Variants in DDAH1 observed in about 807,000 individuals in gnomAD.
DDAH1 encodes dimethylarginine dimethylaminohydrolase 1.
DDAH1 carries 19 observed loss-of-function variants against 28.8 expected under a neutral mutation model. The observed-to-expected ratio is 0.66, with a 90% CI of 0.46 to 0.97. The LOEUF is 0.97. Ranked by LOEUF, DDAH1 falls within the 50% of genes least tolerant of loss-of-function variation. DDAH1 has a pLI of 0.00. For synonymous variants in DDAH1, 153 were observed against 154.4 expected, an observed-to-expected ratio of 0.99 and a Z score of 0.07; for missense variants, 326 against 375.9, an observed-to-expected ratio of 0.87 and a Z score of 1.10.
intron 1 of DDAH1, chr1:85,404,519 A>AAAT: frequency 1.4e-6 from 2 of 1,418,896 alleles, no homozygotes; most frequent in South Asian, 3.2e-5. Context: ...GCCATGGAGC[A>AAAT]AATAATAACA....
At chr1:85,541,157 C>T (rs192074133) in intron 1 of DDAH1, among the ~76,000 whole-genome samples, 26 of 152,234 alleles carry the variant, frequency 1.7e-4, no homozygotes, top group East Asian at 7.7e-4. Context: ...TTTCAAGAGA[C>T]GTTCATTCTC....
chr1:85,379,832 CTT>C (rs1650882784), intron 1 of DDAH1: 1 of 419,688 alleles, frequency 2.4e-6, no homozygotes, highest in Non-Finnish European at 3.2e-6. Flanking sequence ...GTTCCTCACT[CTT>C]TTCCACGTTT....
chr1:85,375,803 A>G (rs1347064791), intron 1 of DDAH1, among the ~76,000 whole-genome samples: 2 of 152,146 alleles, frequency 1.3e-5, no homozygotes, highest in Non-Finnish European at 2.9e-5. Flanking sequence ...ACTCAAACTC[A>G]TTTTTGGGTC....
chr1:85,491,249 AAGTT>A (rs2100728503), intron 2 of DDAH1, among the ~76,000 whole-genome samples: 1 of 151,916 alleles, frequency 6.6e-6, no homozygotes, highest in East Asian at 1.9e-4. Flanking sequence ...AGGTTTCACT[AAGTT>A]AGCCAGGCTG....
intron 1 of DDAH1, among the ~76,000 whole-genome samples, chr1:85,371,188 G>T (rs1248616343): frequency 6.6e-6 from 1 of 152,168 alleles, no homozygotes; most frequent in African/African-American, 2.4e-5. Context: ...TTGCACCAAT[G>T]CCATCTAGAT....
At chr1:85,528,889 G>A (rs1235249919) in intron 1 of DDAH1, among the ~76,000 whole-genome samples, 8 of 150,876 alleles carry the variant, frequency 5.3e-5, no homozygotes, top group Admixed American at 1.3e-4. Flanking sequence ...CAGGAGAATC[G>A]CTTGAACCCC....
chr1:85,375,666 C>A (rs1349738692), intron 1 of DDAH1, among the ~76,000 whole-genome samples: 5 of 152,094 alleles, frequency 3.3e-5, no homozygotes, highest in Non-Finnish European at 7.4e-5. Flanking sequence ...TCATTCTATG[C>A]AGTATTACTC....
chr1:85,503,485 A>G (rs991158756), intron 1 of DDAH1, among the ~76,000 whole-genome samples: 1 of 152,206 alleles, frequency 6.6e-6, no homozygotes, highest in Non-Finnish European at 1.5e-5. Context: ...TACAGGCATA[A>G]GCCACTGCAC....
chr1:85,379,656 T>A, intron 1 of DDAH1: 4 of 985,410 alleles, frequency 4.1e-6, no homozygotes, highest in Non-Finnish European at 4.8e-6. Flanking sequence ...TTCACTGTTC[T>A]CTTCTTTTCC....
chr1:85,571,099 T>A (rs750793376), intron 1 of DDAH1, among the ~76,000 whole-genome samples: 1 of 152,182 alleles, frequency 6.6e-6, no homozygotes, highest in Non-Finnish European at 1.5e-5. Context: ...AAAAAGCTCA[T>A]CTCAGAGGGC....
upstream of DDAH1, among the ~76,000 whole-genome samples, chr1:85,467,889 TCCAGAATTG>T (rs1655441810): frequency 6.6e-6 from 1 of 152,122 alleles, no homozygotes. Context: ...GAACAAGACA[TCCAGAATTG>T]GAGCTGGGGT....
chr1:85,561,903 A>G (rs1257141911), intron 1 of DDAH1, among the ~76,000 whole-genome samples: 1 of 152,200 alleles, frequency 6.6e-6, no homozygotes, highest in Non-Finnish European at 1.5e-5. Flanking sequence ...ACTTTATTGG[A>G]TGTTGGATTA....
chr1:85,548,219 CA>C lies in DDAH1; in HGVS notation c.-123+29764del, dbSNP rs377738992. 1.9e-3 allele frequency among the ~76,000 whole-genome samples: 290 copies of C among 152,268 alleles called. 1 individual carries two copies. In the Middle Eastern group the frequency reaches 0.02, roughly 11 times the overall value. On this transcript the variant is annotated intron_variant, in intron 1 of 6. Coordinates refer to the DDAH1 transcript ENST00000426972. ...GTATATTTTAATCAAGCAATAAAAA[CA>C]GTGGCTAACATTATTGAACATTTAC...
chr1:85,413,867 T>C (rs1031460135), intron 1 of DDAH1, among the ~76,000 whole-genome samples: 1 of 152,250 alleles, frequency 6.6e-6, no homozygotes, highest in African/African-American at 2.4e-5. Flanking sequence ...CTTAAGTCTT[T>C]GGGTAGCTAC....
chr1:85,392,083 A>C (rs999552839), intron 1 of DDAH1, among the ~76,000 whole-genome samples: 3 of 152,152 alleles, frequency 2.0e-5, no homozygotes. Context: ...GAGATTCTAC[A>C]TTAAACTCCA....
chr1:85,517,943 G>C (rs1022976520), intron 1 of DDAH1, among the ~76,000 whole-genome samples: 1 of 152,094 alleles, frequency 6.6e-6, no homozygotes, highest in African/African-American at 2.4e-5. Context: ...TGGGTTCCAG[G>C]GCCCTGTTGG....
chr1:85,390,316 G>A (rs546663274), intron 1 of DDAH1, among the ~76,000 whole-genome samples: 2 of 152,330 alleles, frequency 1.3e-5, no homozygotes, highest in South Asian at 4.1e-4. Context: ...AGCCTGATCT[G>A]CAATTAGAGT....
At chr1:85,543,420 A>G (rs1353270097) in intron 1 of DDAH1, among the ~76,000 whole-genome samples, 3 of 152,184 alleles carry the variant, frequency 2.0e-5, no homozygotes, top group Non-Finnish European at 4.4e-5. Flanking sequence ...AACACAGGAA[A>G]CAAGCAACTG....
At position 85,420,986 on chromosome 1, in the gene DDAH1, G is replaced by A. The variant is rs149111249; in HGVS notation, c.303+43757C>T. 3.2e-3 allele frequency among the ~76,000 whole-genome samples: 493 copies of A among 152,280 alleles called. 2 individuals are homozygous for A. Among genetic ancestry groups the A allele is most frequent in the Non-Finnish European group, 4.4e-3 (300 of 68,018 alleles). On this transcript the variant is annotated intron_variant, in intron 1 of 5. Transcript: ENST00000284031. Reference sequence around the variant, plus strand: ...GCCTTGGGAAGCTTCCAATCATGGCGGAAGGTGAAGCGGGAACTGGTGCTT... The same window carrying A: ...GCCTTGGGAAGCTTCCAATCATGGCAGAAGGTGAAGCGGGAACTGGTGCTT...
Sources: allele counts gnomAD v4.1 joint callset (sites outside exome capture counted in the v4.1 genomes callset), GRCh38; gene constraint gnomAD v4.1.1; transcripts MANE v1.5; gene names NCBI Gene and HGNC (gene_info 2026-07-23, HGNC 2026-07-21).